Variants in BCOR observed in about 807,000 individuals in gnomAD.
The protein encoded by BCOR is BCL6 corepressor, also known as BCL-6 corepressor.
Under a neutral mutation model 86.7 loss-of-function variants are expected in BCOR, and 10 were observed. The observed-to-expected ratio is 0.12, with a 90% CI of 0.07 to 0.20. The LOEUF (loss-of-function observed/expected upper bound fraction) is 0.20. Ranked by LOEUF, BCOR falls within the 10% of genes least tolerant of loss-of-function variation. The pLI is 1.00. For synonymous variants in BCOR, 611 were observed against 609.0 expected, an observed-to-expected ratio of 1.00 and a Z score of -0.05; for missense variants, 1,259 against 1,452.1, an observed-to-expected ratio of 0.87 and a Z score of 2.16.
intron 1 of BCOR, among the ~76,000 whole-genome samples, chrX:40,118,833 T>A (rs1327208895): frequency 1.8e-5 from 2 of 111,758 alleles, no homozygotes; most frequent in Non-Finnish European, 3.8e-5. Flanking sequence ...CTTGGGAGAC[T>A]CTGTTTTTGT....
intron 7 of BCOR, 146 bp downstream of exon 7, chrX:40,064,190 C>A: frequency 1.1e-6 from 1 of 924,437 alleles, no homozygotes; most frequent in Middle Eastern, 4.0e-4. Flanking sequence ...TGGAGAGGTC[C>A]GCTCCACTGC....
In BCOR at chrX:40,120,077, G is replaced by A. The variant is rs777935623; in HGVS notation, c.-40-42108C>T. Among the ~76,000 whole-genome samples, 6 of 110,421 alleles carry A rather than the reference G, an allele frequency of 5.4e-5. No individual in the cohort carries two copies. The East Asian group carries it at 8.6e-4, about 16-fold the overall frequency. On this transcript the variant is annotated intron_variant, in intron 1 of 14. Transcript: ENST00000342274. ...GGGAGGAGCGGGGTGAGAGTGATGCGCCAGGCAGATGTGCCGTATTGGAGG... is the reference window on the plus strand; with the variant it reads ...GGGAGGAGCGGGGTGAGAGTGATGCACCAGGCAGATGTGCCGTATTGGAGG...
At chrX:40,054,111 C>A in intron 13 of BCOR, 69 bp from the exon 14 acceptor site, 1 of 1,154,141 alleles carries the variant, frequency 8.7e-7, no homozygotes. Flanking sequence ...TTGTCAACAA[C>A]AACAAGGAGT....
intron 10 of BCOR, 141 bp from the exon 11 acceptor site, chrX:40,057,462 G>A (rs923822114): frequency 7.4e-5 from 46 of 624,877 alleles, no homozygotes; most frequent in Non-Finnish European, 1.1e-4. Context: ...ATGTCTTGGT[G>A]AGGGGGAAAC....
At position 40,117,845 on chromosome X, in the gene BCOR, G is replaced by A. The variant is rs777430140; in HGVS notation, c.-40-39876C>T. 7.3e-4 allele frequency among the ~76,000 whole-genome samples: 81 copies of A among 110,836 alleles called. 2 individuals carry two copies. The highest frequency in any genetic ancestry group is 6.1e-3 in the Admixed American group (63 of 10,374). ...CCTGAGGCTTCCTCCTCTTTCTGAC[G>A]TCCAAGGGCACCATCAAGAAGGCAG... On this transcript the variant is annotated intron_variant, in intron 1 of 14. Transcript: ENST00000342274.
intron 1 of BCOR, among the ~76,000 whole-genome samples, chrX:40,151,138 T>C (rs1938157514): frequency 9.0e-6 from 1 of 110,858 alleles, no homozygotes; most frequent in Non-Finnish European, 1.9e-5. Flanking sequence ...GGGTGGCACT[T>C]CCCCCCTGGA....
intron 1 of BCOR, among the ~76,000 whole-genome samples, chrX:40,148,633 A>G (rs1056699459): frequency 9.0e-6 from 1 of 111,349 alleles, no homozygotes; most frequent in Admixed American, 9.6e-5. Context: ...TATAAAGGGA[A>G]AGCCAGCACT....
At chrX:40,080,957 G>A (rs1184102688) in intron 1 of BCOR, among the ~76,000 whole-genome samples, 1 of 79,686 alleles carries the variant, frequency 1.3e-5, no homozygotes, top group African/African-American at 4.7e-5. Flanking sequence ...ACGCACACAC[G>A]TGCACGCACG....
intron 1 of BCOR, among the ~76,000 whole-genome samples, chrX:40,143,058 C>G (rs757370555): frequency 8.9e-6 from 1 of 112,374 alleles, no homozygotes; most frequent in African/African-American, 3.2e-5. Context: ...GCTGAGCTGC[C>G]GGCAGGTAGA....
rs1363388966 is a variant in BCOR at position 40,139,493 on chromosome X, ATATATT to A, written c.-41+37508_-41+37513del. 5.9e-4 allele frequency among the ~76,000 whole-genome samples: 4 copies of A among 6,729 alleles called. 1 individual carries two copies. The highest frequency in any genetic ancestry group is 7.4e-4 in the Non-Finnish European group (3 of 4,060). 5.8% of individuals were successfully genotyped at this position (6,729 alleles called of 115,157 possible). A position where few individuals can be genotyped will look rare whatever the true frequency, so the allele number is the denominator to read the frequency against. Reference sequence around the variant, plus strand: ...TATATATATATATATATATATATATATATATTTTTTTTTTTTTTTAAGCATCAGCCT... The same window carrying A: ...TATATATATATATATATATATATATATTTTTTTTTTTTTAAGCATCAGCCT... On this transcript the variant is annotated intron_variant, in intron 1 of 14. Coordinates refer to the BCOR transcript ENST00000342274.
At chrX:40,085,690 C>T (rs1420107572) in intron 1 of BCOR, among the ~76,000 whole-genome samples, 1 of 112,048 alleles carries the variant, frequency 8.9e-6, no homozygotes, top group Non-Finnish European at 1.9e-5. Flanking sequence ...TTCCAAAACC[C>T]AAGGAGGACC....
intron 1 of BCOR, among the ~76,000 whole-genome samples, chrX:40,107,739 G>A (rs1306038566): frequency 8.8e-6 from 1 of 113,311 alleles, no homozygotes; most frequent in Non-Finnish European, 1.9e-5. Flanking sequence ...GCCGGCGCGG[G>A]CCCTGGGGTG....
intron 1 of BCOR, among the ~76,000 whole-genome samples, chrX:40,129,479 T>C (rs1383377340): frequency 1.1e-5 from 1 of 86,975 alleles, no homozygotes; most frequent in Non-Finnish European, 2.0e-5. Flanking sequence ...AGACTCCGTC[T>C]CAAAAAAAAA....
At chrX:40,086,980 C>T (rs745729728) in intron 1 of BCOR, among the ~76,000 whole-genome samples, 1 of 113,605 alleles carries the variant, frequency 8.8e-6, no homozygotes, top group Non-Finnish European at 1.9e-5. Context: ...ACCGCCATTT[C>T]GCAGAGATTT....
chrX:40,053,722 G>A (rs1934441232), intron 14 of BCOR, 164 bp downstream of exon 14: 1 of 589,644 alleles, frequency 1.7e-6, no homozygotes, highest in East Asian at 3.6e-5. Context: ...TAAGGAAGCT[G>A]ATGTGTACCC....
At position 40,122,575 on chromosome X, in the gene BCOR, C is replaced by T. The variant is rs141074885; in HGVS notation, c.-40-44606G>A. ...GTTGGTTTTCTTTAATGTTATTTTA[C>T]TCCTTACTTTGTGTCTGCACAATTC... On this transcript the variant is annotated intron_variant, in intron 1 of 14. Coordinates refer to the BCOR transcript ENST00000342274. Among the ~76,000 whole-genome samples the T allele has an allele frequency of 5.5e-3, 614 of 111,989 alleles. 6 individuals are homozygous for T. Among genetic ancestry groups the T allele is most frequent in the African/African-American group, 0.019 (584 of 30,851 alleles).
At chrX:40,160,659 CT>C (rs145716696) in intron 1 of BCOR, among the ~76,000 whole-genome samples, 2,385 of 81,270 alleles carry the variant, frequency 0.029, 35 homozygotes, top group African/African-American at 0.041. Context: ...TGATCCTCTA[CT>C]TTTTTTTTTT....
chrX:40,155,883 G>A (rs1315786032), intron 1 of BCOR, among the ~76,000 whole-genome samples: 4 of 112,660 alleles, frequency 3.6e-5, no homozygotes, highest in Non-Finnish European at 7.5e-5. Flanking sequence ...GGAGGCGGTC[G>A]CCCAGCACAC....
upstream of BCOR, among the ~76,000 whole-genome samples, chrX:40,100,653 C>A (rs750942518): frequency 9.5e-6 from 1 of 105,141 alleles, no homozygotes; most frequent in Non-Finnish European, 1.9e-5. Context: ...GAGCCGAGAT[C>A]GCGCCGTTGC....
Sources: gnomAD v4.1 joint callset for allele counts (sites outside exome capture counted in the v4.1 genomes callset) on GRCh38, gnomAD v4.1.1 for gene constraint, MANE v1.5 for transcripts, NCBI Gene and HGNC (gene_info 2026-07-23, HGNC 2026-07-21) for gene names.